The following MORC1 variants were observed in gnomAD, a reference collection of about 807,000 sequenced individuals.
The protein encoded by MORC1 is MORC family CW-type zinc finger protein 1.
MORC1 carries 59 observed loss-of-function variants against 134.9 expected under a neutral mutation model. The ratio of observed to expected loss-of-function variants is 0.44; its 90% confidence interval spans 0.35 to 0.54. The LOEUF (loss-of-function observed/expected upper bound fraction) is 0.54, where lower values mean the gene tolerates loss of function less well. Among genes scored for constraint, MORC1 ranks in the 20% least tolerant of loss-of-function variants. The pLI is 0.00. For missense variants in MORC1, 947 were observed against 1,134.5 expected (o/e 0.83, Z 2.37); for synonymous variants, 395 against 391.7 (o/e 1.01, Z -0.10).
intron 4 of MORC1, chr3:109,101,559 GGTGTGTAA>G (rs1248249022): frequency 1.3e-5 from 2 of 152,174 alleles, no homozygotes; most frequent in African/African-American, 4.8e-5. Flanking sequence ...CATGGTATGA[GGTGTGTAA>G]AAGCCACCAA....
At chr3:109,103,396 T>C (rs1950965290) in intron 4 of MORC1, among the ~76,000 whole-genome samples, 1 of 152,182 alleles carries the variant, frequency 6.6e-6, no homozygotes, top group South Asian at 2.1e-4. Flanking sequence ...GCTTTCAAAA[T>C]GCAGAGGAAA....
chr3:109,074,149 C>T (rs1016511134), intron 8 of MORC1, among the ~76,000 whole-genome samples: 4 of 152,154 alleles, frequency 2.6e-5, no homozygotes, highest in African/African-American at 9.7e-5. Flanking sequence ...AAAATTTCAA[C>T]TGCATTACTC....
chr3:109,066,809 T>C (rs142586493), intron 9 of MORC1, among the ~76,000 whole-genome samples: 60 of 152,290 alleles, frequency 3.9e-4, no homozygotes, highest in African/African-American at 1.4e-3. Context: ...CAATTCACAG[T>C]GGAGAAGAGT....
intron 2 of MORC1, among the ~76,000 whole-genome samples, chr3:109,111,049 T>TAAAAA (rs1951155768): frequency 1.0e-4 from 5 of 48,906 alleles, no homozygotes; most frequent in Non-Finnish European, 5.1e-5. Context: ...TGGATATAAT[T>TAAAAA]TAAAAAAAAA....
chr3:109,096,814 T>C (rs1000454337), intron 6 of MORC1, among the ~76,000 whole-genome samples: 2 of 152,164 alleles, frequency 1.3e-5, no homozygotes, highest in Admixed American at 6.5e-5. Flanking sequence ...TCTTGGGGTC[T>C]GGGATCAGAC....
At chr3:109,090,714 C>T (rs1367238684) in intron 8 of MORC1, among the ~76,000 whole-genome samples, 2 of 151,160 alleles carry the variant, frequency 1.3e-5, no homozygotes, top group African/African-American at 4.9e-5. Context: ...GAGGCCAATA[C>T]GGCTTGAAAG....
intron 14 of MORC1, among the ~76,000 whole-genome samples, chr3:109,050,788 G>A (rs1303428955): frequency 1.3e-5 from 2 of 152,178 alleles, no homozygotes; most frequent in East Asian, 3.9e-4. Context: ...AGAGGGAGCA[G>A]TTTTCCTTTC....
intron 10 of MORC1, 46 bp from the exon 11 acceptor site, chr3:109,062,104 A>G (rs746197948): frequency 2.6e-6 from 4 of 1,545,526 alleles, no homozygotes; most frequent in Admixed American, 3.3e-5. Context: ...AATTATTTCA[A>G]GCAATTTTAA....
At chr3:109,079,139 T>C (rs993933687) in intron 8 of MORC1, among the ~76,000 whole-genome samples, 27 of 152,050 alleles carry the variant, frequency 1.8e-4, no homozygotes, top group Non-Finnish European at 3.4e-4. Context: ...ATAATCTATA[T>C]ACCAATCAAT....
At chr3:108,982,145 T>C (rs558361820) in intron 23 of MORC1, among the ~76,000 whole-genome samples, 1 of 152,200 alleles carries the variant, frequency 6.6e-6, no homozygotes, top group East Asian at 1.9e-4. Flanking sequence ...AACAGACACA[T>C]GAAAAGACGC....
chr3:109,106,320 G>A (rs1400531392), intron 3 of MORC1, among the ~76,000 whole-genome samples: 4 of 152,002 alleles, frequency 2.6e-5, no homozygotes, highest in Admixed American at 6.5e-5. Context: ...TTCAGTAAAC[G>A]GCTGGGAAAG....
At position 109,076,120 on chromosome 3, in the gene MORC1, C is replaced by A. The variant is rs553287465; in HGVS notation, c.690-6363G>T. 3.2e-3 allele frequency among the ~76,000 whole-genome samples: 481 copies of A among 152,192 alleles called. 7 individuals carry two copies. Among genetic ancestry groups the A allele is most frequent in the Non-Finnish European group, 3.8e-3 (256 of 68,016 alleles). On this transcript the variant is annotated intron_variant, in intron 8 of 27. Coordinates refer to ENST00000232603, the MANE Select transcript of MORC1 (RefSeq NM_014429.4). Reference sequence around the variant, plus strand: ...GCTACTATCCAGAATCTACAAGGAACTGAAACAAATTTACTAGAAAAAAAC... The same window carrying A: ...GCTACTATCCAGAATCTACAAGGAAATGAAACAAATTTACTAGAAAAAAAC...
chr3:109,019,437 G>A (rs1346389489), intron 17 of MORC1, among the ~76,000 whole-genome samples: 2 of 152,184 alleles, frequency 1.3e-5, no homozygotes, highest in Non-Finnish European at 2.9e-5. Context: ...AAGAGCTACT[G>A]AGCCAAACTG....
chr3:109,041,352 A>T (rs2107635794), intron 14 of MORC1, among the ~76,000 whole-genome samples: 1 of 152,144 alleles, frequency 6.6e-6, no homozygotes, highest in Non-Finnish European at 1.5e-5. Context: ...AGAAAATCTG[A>T]ACACAGAAGT....
chr3:109,025,350 T>C (rs1949048022), intron 17 of MORC1, among the ~76,000 whole-genome samples: 1 of 150,708 alleles, frequency 6.6e-6, no homozygotes, highest in Non-Finnish European at 1.5e-5. Context: ...TTCCCCTATA[T>C]AACTTTCTTT....
intron 3 of MORC1, 63 bp from the exon 4 acceptor site, chr3:109,103,980 G>A: frequency 7.2e-7 from 1 of 1,394,572 alleles, no homozygotes; most frequent in Non-Finnish European, 1.0e-6. Flanking sequence ...AGAAAGTCAT[G>A]CTGCTAGAAT....
At chr3:109,007,427 A>C (rs1948566831) in intron 17 of MORC1, among the ~76,000 whole-genome samples, 1 of 152,180 alleles carries the variant, frequency 6.6e-6, no homozygotes, top group South Asian at 2.1e-4. Flanking sequence ...CCTACAGAGT[A>C]CAGGGTCTGG....
chr3:109,048,418 T>TG (rs1576677255), intron 14 of MORC1, among the ~76,000 whole-genome samples: 1 of 152,254 alleles, frequency 6.6e-6, no homozygotes, highest in East Asian at 1.9e-4. Flanking sequence ...AATCCAGTTG[T>TG]GGGGGAATAG....
chr3:109,004,843 T>G lies in MORC1; in HGVS notation c.2059A>C (p.Thr687Pro), dbSNP rs1340106560. Residue 687 changes from threonine to proline, a missense_variant, in exon 20 of 28, where the codon ACT (threonine) becomes CCT (proline). Thr to Pro is a conservative substitution (Grantham distance 38, BLOSUM62 -1). Around this residue, in one of 3 missense-constraint regions of MORC1, gnomAD observed 722 missense variants for 817.0 expected, o/e 0.88. Coordinates refer to ENST00000232603, the MANE Select transcript of MORC1 (RefSeq NM_014429.4). ...NITTVWRAQP[T>P]EGCLKNAQAA... is the part of the protein sequence containing the mutation. ...TGGGCATTCTTCAGGCACCCTTCAG[T>G]TGGTTGAGCTCTCCAGACAGTGGTA... The G allele has an allele frequency of 6.2e-7, 1 of 1,613,800 alleles. No homozygotes were observed. Among genetic ancestry groups the G allele is most frequent in the African/African-American group, 1.3e-5 (1 of 74,922 alleles).
Sources: allele counts gnomAD v4.1 joint callset (sites outside exome capture counted in the v4.1 genomes callset), GRCh38; gene constraint gnomAD v4.1.1; regional missense constraint gnomAD v4.1.1; transcripts MANE v1.5; gene names NCBI Gene and HGNC (gene_info 2026-07-23, HGNC 2026-07-21).